The following IGF1R variants were observed in gnomAD, a reference collection of about 807,000 sequenced individuals.
IGF1R encodes the protein insulin-like growth factor 1 receptor.
Under a neutral mutation model 144.6 loss-of-function variants are expected in IGF1R, and 44 were observed. The ratio of observed to expected loss-of-function variants is 0.30; its 90% CI spans 0.24 to 0.39. The LOEUF is 0.39. IGF1R is among the 10% of genes least tolerant of loss of function. IGF1R has a pLI of 1.00. For synonymous variants in IGF1R, 795 were observed against 722.8 expected (o/e 1.10, Z -1.60); for missense variants, 1,355 against 1,833.7 (o/e 0.74, Z 4.77).
At chr15:98,858,004 C>G (rs1452013360) in intron 2 of IGF1R, among the ~76,000 whole-genome samples, 1 of 152,168 alleles carries the variant, frequency 6.6e-6, no homozygotes, top group Admixed American at 6.5e-5. Flanking sequence ...ATACTAAGTA[C>G]TTGTAATGAC....
At chr15:98,817,195 G>A (rs1457731276) in intron 2 of IGF1R, among the ~76,000 whole-genome samples, 6 of 152,020 alleles carry the variant, frequency 3.9e-5, no homozygotes, top group South Asian at 2.1e-4. Flanking sequence ...CCAGCTACTC[G>A]GGAGTCTGAA....
intron 20 of IGF1R, among the ~76,000 whole-genome samples, chr15:98,955,776 G>A (rs898330895): frequency 2.6e-5 from 4 of 152,230 alleles, no homozygotes; most frequent in East Asian, 1.9e-4. Flanking sequence ...GGCCAGACAC[G>A]GGCAGGTAGT....
At position 98,891,676 on chromosome 15, in the gene IGF1R, C is replaced by G; in HGVS notation, c.953+39C>G. On this transcript the variant is annotated intron_variant, in intron 3 of 20. Transcript: ENST00000650285. This position sits in a 1 kb window ranked among gnomAD's most constrained non-coding sequence, Gnocchi z 4.7. ...ACACGTGTGGTCACTACCCGCCCCA[C>G]CTCACCCGCCACCCTAGCACACAAA... 1 of 1,576,342 alleles carries G rather than the reference C, an allele frequency of 6.3e-7. No individual in the cohort carries two copies. Among genetic ancestry groups the G allele is most frequent in the South Asian group, 1.1e-5 (1 of 90,050 alleles).
intron 1 of IGF1R, among the ~76,000 whole-genome samples, chr15:98,684,905 A>G (rs1477226802): frequency 1.4e-5 from 2 of 147,598 alleles, no homozygotes; most frequent in South Asian, 2.2e-4. Context: ...GGCTCCCTCC[A>G]TGTATATATT....
intron 1 of IGF1R, among the ~76,000 whole-genome samples, chr15:98,675,311 A>T (rs555397739): frequency 5.3e-5 from 8 of 152,316 alleles, no homozygotes; most frequent in African/African-American, 1.7e-4. Context: ...TTGATCATTA[A>T]AAAATGATGT....
chr15:98,649,444 C>T lies in IGF1R; in HGVS notation c.-138C>T, dbSNP rs1308720422. 3 of 645,110 alleles carry T rather than the reference C, an allele frequency of 4.7e-6. No homozygotes were observed. Among genetic ancestry groups the T allele is most frequent in the East Asian group, 3.1e-5 (1 of 32,548 alleles). 40.0% of individuals were successfully genotyped at this position (645,110 alleles called of 1,614,324 possible). A position where few individuals can be genotyped will look rare whatever the true frequency, so the allele number is the denominator to read the frequency against. ...CGGCGCCGCCTTCGGAGTATTGTTT[C>T]CTTCGCCCTTGTTTTTGGAGGGGGA... On this transcript the variant is annotated 5_prime_UTR_variant, in exon 1 of 21. Coordinates refer to ENST00000650285, the MANE Select transcript of IGF1R (RefSeq NM_000875.5).
At chr15:98,861,500 G>C (rs2012154988) in intron 2 of IGF1R, among the ~76,000 whole-genome samples, 1 of 152,142 alleles carries the variant, frequency 6.6e-6, no homozygotes, top group Admixed American at 6.5e-5. Context: ...CTGCTTCTAG[G>C]GGACATTAGC....
intron 2 of IGF1R, among the ~76,000 whole-genome samples, chr15:98,774,590 A>T (rs891829360): frequency 4.6e-5 from 7 of 151,932 alleles, no homozygotes; most frequent in African/African-American, 1.7e-4. Flanking sequence ...GAAATCAGCC[A>T]GTCACAAAAG....
chr15:98,745,916 C>A (rs2054853621), intron 2 of IGF1R, among the ~76,000 whole-genome samples: 1 of 152,232 alleles, frequency 6.6e-6, no homozygotes, highest in South Asian at 2.1e-4. Flanking sequence ...ACCAATACAC[C>A]TGCCCACATA....
intron 2 of IGF1R, among the ~76,000 whole-genome samples, chr15:98,784,771 A>G (rs1455148934): frequency 6.6e-6 from 1 of 152,170 alleles, no homozygotes; most frequent in Admixed American, 6.5e-5. Flanking sequence ...TAGTATAACA[A>G]CTTTTTATAC....
intron 2 of IGF1R, among the ~76,000 whole-genome samples, chr15:98,738,575 C>T (rs2054666308): frequency 6.6e-6 from 1 of 152,188 alleles, no homozygotes; most frequent in African/African-American, 2.4e-5. Context: ...TTAGTCCTGA[C>T]TTGTGTATTA....
In IGF1R at chr15:98,963,045, A is replaced by C. The variant is rs1485147168; in HGVS notation, c.*5603A>C. 1.3e-5 allele frequency: 3 copies of C among 233,618 alleles called. No homozygotes were observed. Among genetic ancestry groups the C allele is most frequent in the Non-Finnish European group, 2.5e-5 (3 of 118,044 alleles). The allele number at this position is 233,618 out of a possible 1,614,324, so 14.5% of individuals were successfully genotyped here. ...ATAGGGCTCTTAAGTCCAGTAGATTACGGGTAGTCAGTTGACGAAGATCTG... is the reference window on the plus strand; with the variant it reads ...ATAGGGCTCTTAAGTCCAGTAGATTCCGGGTAGTCAGTTGACGAAGATCTG... On this transcript the variant is annotated 3_prime_UTR_variant, in exon 21 of 21. Coordinates refer to ENST00000650285, the MANE Select transcript of IGF1R (RefSeq NM_000875.5).
chr15:98,801,470 C>T (rs1251845031), intron 2 of IGF1R, among the ~76,000 whole-genome samples: 2 of 152,210 alleles, frequency 1.3e-5, no homozygotes, highest in African/African-American at 4.8e-5. Flanking sequence ...GTTACAGCTG[C>T]CTGTGTGAGC....
chr15:98,787,998 C>G (rs914913942), intron 2 of IGF1R, among the ~76,000 whole-genome samples: 1 of 151,420 alleles, frequency 6.6e-6, no homozygotes, highest in African/African-American at 2.4e-5. Flanking sequence ...AGATTTGCCT[C>G]TGGATCCTCA....
chr15:98,851,198 G>T (rs543644042), intron 2 of IGF1R, among the ~76,000 whole-genome samples: 3 of 152,310 alleles, frequency 2.0e-5, no homozygotes, highest in African/African-American at 7.2e-5. Flanking sequence ...GAACACAGCG[G>T]CTGAGGAACG....
At chr15:98,904,841 C>T (rs2014655907) in intron 5 of IGF1R, among the ~76,000 whole-genome samples, 2 of 152,238 alleles carry the variant, frequency 1.3e-5, no homozygotes, top group South Asian at 4.1e-4. Context: ...TATCAGGGCA[C>T]AGGACCTTCC....
At position 98,661,956 on chromosome 15, in the gene IGF1R, C is replaced by CTTTTTTTT. The variant is rs869208651; in HGVS notation, c.94+12300_94+12307dup. Among the ~76,000 whole-genome samples the CTTTTTTTT allele has an allele frequency of 2.0e-4, 21 of 105,716 alleles. 2 individuals are homozygous for CTTTTTTTT. Among genetic ancestry groups the CTTTTTTTT allele is most frequent in the Middle Eastern group, 5.0e-3 (1 of 200 alleles). The allele number at this position is 105,716 out of a possible 152,430, so 69.4% of individuals were successfully genotyped here. On this transcript the variant is annotated intron_variant, in intron 1 of 20. Coordinates refer to ENST00000650285, the MANE Select transcript of IGF1R (RefSeq NM_000875.5). ...GAATTGCTGCCAGTTGAATAGGGCC[C>CTTTTTTTT]TTTTTTTTTTTTTTTTTTTTTTTTT...
chr15:98,929,796 T>C (rs1018559626), intron 14 of IGF1R, 136 bp downstream of exon 14: 3 of 733,808 alleles, frequency 4.1e-6, no homozygotes, highest in East Asian at 5.3e-5. Context: ...CATCAAATGT[T>C]CTTCCAGGAA....
intron 11 of IGF1R, among the ~76,000 whole-genome samples, chr15:98,923,346 C>T (rs559531232): frequency 3.3e-5 from 5 of 152,366 alleles, no homozygotes; most frequent in South Asian, 2.1e-4. Flanking sequence ...AGGCCGGGCT[C>T]GGGGCCATCC....
Sources: gnomAD v4.1 joint callset for allele counts (sites outside exome capture counted in the v4.1 genomes callset) on GRCh38, gnomAD v4.1.1 for gene constraint, Gnocchi (gnomAD v3.1) non-coding constraint, MANE v1.5 for transcripts, NCBI Gene and HGNC (gene_info 2026-07-23, HGNC 2026-07-21) for gene names.